The following ZNF177 variants were observed in gnomAD, a reference collection of about 807,000 sequenced individuals.
The protein encoded by ZNF177 is zinc finger protein 177.
ZNF177 carries 17 observed loss-of-function variants against 19.4 expected under a neutral mutation model. The observed-to-expected ratio is 0.87, with a 90% CI of 0.60 to 1.31. ZNF177 has a LOEUF of 1.31. Among genes scored for constraint, ZNF177 ranks in the 40% most tolerant of loss-of-function variants. ZNF177 has a pLI of 0.00. For missense variants in ZNF177, 633 were observed against 561.8 expected, an observed-to-expected ratio of 1.13 and a Z score of -1.28; for synonymous variants, 220 against 188.7, an observed-to-expected ratio of 1.17 and a Z score of -1.36.
chr19:9,365,422 T>C (rs1449497758), intron 2 of ZNF177, among the ~76,000 whole-genome samples: 4 of 151,668 alleles, frequency 2.6e-5, no homozygotes, highest in African/African-American at 9.7e-5. Context: ...CGGGGGGTTC[T>C]TGCACCCCAG....
At chr19:9,370,420 T>TG (rs894705614) in intron 2 of ZNF177, among the ~76,000 whole-genome samples, 4 of 130,974 alleles carry the variant, frequency 3.1e-5, no homozygotes, top group African/African-American at 1.5e-4. Context: ...TTTTTTTTTG[T>TG]TTTTTTTTTA....
Position 9,381,978 on chromosome 19 carries a change from A to G in ZNF177, c.*201A>G, listed in dbSNP as rs1451903578. The G allele has an allele frequency of 6.8e-6, 5 of 732,654 alleles. No individual in the cohort carries two copies. The African/African-American group carries it at 8.9e-5, about 13-fold the overall frequency. The allele number at this position is 732,654 out of a possible 1,614,324, so 45.4% of individuals were successfully genotyped here. On this transcript the variant is annotated 3_prime_UTR_variant, in exon 6 of 6. Coordinates refer to ENST00000589262, the Ensembl canonical transcript of ZNF177. ...GTATTTCATTCTTATATGTGTCACA[A>G]CTGTAGATCCTATGAATATTTTAGT...
At chr19:9,369,589 T>TA (rs2068022335) in intron 2 of ZNF177, among the ~76,000 whole-genome samples, 4 of 152,186 alleles carry the variant, frequency 2.6e-5, no homozygotes, top group African/African-American at 9.6e-5. Context: ...TCTGTACACT[T>TA]ACTGTTATTG....
chr19:9,375,155 C>G (rs1390968226), upstream of ZNF177, among the ~76,000 whole-genome samples: 1 of 152,102 alleles, frequency 6.6e-6, no homozygotes, highest in African/African-American at 2.4e-5. Flanking sequence ...TTTTGCGTAT[C>G]TTGAACTATC....
chr19:9,364,404 A>C (rs1381021285), intron 1 of ZNF177, among the ~76,000 whole-genome samples: 1 of 152,162 alleles, frequency 6.6e-6, no homozygotes, highest in African/African-American at 2.4e-5. Context: ...GAAGGTCCTG[A>C]CAGAGGTTGA....
At chr19:9,376,106 C>G (rs1392758792), upstream of ZNF177, among the ~76,000 whole-genome samples, 2 of 152,084 alleles carry the variant, frequency 1.3e-5, no homozygotes, top group African/African-American at 4.8e-5. Flanking sequence ...ATCCAGTCAG[C>G]CACTATGTGT....
exon 6 of ZNF177, chr19:9,381,344 A>G (rs374306986): frequency 1.2e-6 from 2 of 1,614,154 alleles, no homozygotes; most frequent in Non-Finnish European, 8.5e-7. Context: ...ACTGGAGAGA[A>G]ACCCTATGAC....
exon 6 of ZNF177, chr19:9,381,690 A>G: frequency 6.2e-7 from 1 of 1,614,194 alleles, no homozygotes; most frequent in Non-Finnish European, 8.5e-7. Context: ...AGCCTTATAA[A>G]TGTATTCAGT....
chr19:9,381,674 G>C, exon 6 of ZNF177: 1 of 1,614,222 alleles, frequency 6.2e-7, no homozygotes, highest in African/African-American at 1.3e-5. Flanking sequence ...ACTCACACTG[G>C]AGAGAAGCCT....
At chr19:9,365,605 A>T (rs1322452577) in intron 2 of ZNF177, among the ~76,000 whole-genome samples, 1 of 152,188 alleles carries the variant, frequency 6.6e-6, no homozygotes, top group East Asian at 1.9e-4. Flanking sequence ...CCACGTGGTC[A>T]GACACCTCTG....
At position 9,380,822 on chromosome 19, in the gene ZNF177, G is replaced by A. The variant is rs1257909730; in HGVS notation, c.491G>A (p.Arg164Lys). The stretch of plus-strand genomic sequence containing the variant: ...GTCTTCAACCATCCCTCAACTCTTA[G>A]GAGTCATGTGAGCATTCACATTGGA... Residue 164 changes from arginine (R) to lysine (K), a missense_variant, in exon 6 of 6, where the codon AGG becomes AAG. Arg to Lys is a conservative substitution (Grantham distance 26, BLOSUM62 2). Coordinates refer to ENST00000589262, the Ensembl canonical transcript of ZNF177. The A allele has an allele frequency of 7.2e-6, 11 of 1,535,946 alleles. No homozygotes were observed. Among genetic ancestry groups the A allele is most frequent in the Non-Finnish European group, 9.6e-6 (11 of 1,146,902 alleles).
chr19:9,381,557 C>T (rs1199623401), exon 6 of ZNF177: 38 of 1,614,182 alleles, frequency 2.4e-5, no homozygotes, highest in Non-Finnish European at 3.2e-5. Flanking sequence ...AGCACAGGCT[C>T]TTACCTTATT....
upstream of ZNF177, among the ~76,000 whole-genome samples, chr19:9,375,812 T>C (rs183305525): frequency 2.0e-5 from 3 of 152,300 alleles, no homozygotes; most frequent in Non-Finnish European, 2.9e-5. Context: ...TCCTAGTCTC[T>C]CATTTATTTC....
At chr19:9,378,226 C>T (rs1367504540) in intron 1 of ZNF177, 33 bp from the exon 4 acceptor site, 7 of 1,581,282 alleles carry the variant, frequency 4.4e-6, no homozygotes, top group Non-Finnish European at 5.2e-6. Flanking sequence ...TCTAGCAGGC[C>T]TAGACTCTAA....
intron 2 of ZNF177, among the ~76,000 whole-genome samples, chr19:9,369,254 T>C (rs1024086618): frequency 2.0e-5 from 3 of 152,086 alleles, no homozygotes; most frequent in African/African-American, 7.2e-5. Context: ...GAAAGTCTTA[T>C]AGTGATGATT....
At chr19:9,365,368 C>T (rs997287659) in intron 2 of ZNF177, among the ~76,000 whole-genome samples, 5 of 151,708 alleles carry the variant, frequency 3.3e-5, no homozygotes, top group African/African-American at 1.2e-4. Context: ...GCTTCTTGTC[C>T]TCCAGAAAAG....
intron 2 of ZNF177, 50 bp from the exon 5 acceptor site, chr19:9,378,912 T>C (rs752411966): frequency 3.2e-6 from 5 of 1,545,418 alleles, no homozygotes; most frequent in East Asian, 4.6e-5. Context: ...TCCTGGTACA[T>C]TGTCAAAAAT....
At chr19:9,380,610 C>T (rs1291121813) in intron 5 of ZNF177, 58 bp from the exon 8 acceptor site, 1 of 1,535,704 alleles carries the variant, frequency 6.5e-7, no homozygotes, top group African/African-American at 1.4e-5. Context: ...AAGAGAATTC[C>T]TGTGAATAAG....
chr19:9,380,177 A>G, intron 5 of ZNF177, 38 bp downstream of exon 7: 1 of 1,572,540 alleles, frequency 6.4e-7, no homozygotes, highest in Non-Finnish European at 8.6e-7. Flanking sequence ...TCTTTGTAGT[A>G]GAAGTCTGGG....
Sources: allele counts gnomAD v4.1 joint callset (sites outside exome capture counted in the v4.1 genomes callset), GRCh38; gene constraint gnomAD v4.1.1; transcripts MANE v1.5; gene names NCBI Gene and HGNC (gene_info 2026-07-23, HGNC 2026-07-21).